Variants in EML6 observed in about 807,000 individuals in gnomAD.
EML6 encodes the protein echinoderm microtubule-associated protein-like 6.
EML6 carries 154 observed loss-of-function variants against 240.1 expected under a neutral mutation model. The observed-to-expected ratio is 0.64, with a 90% CI of 0.56 to 0.73. EML6 has a LOEUF of 0.73. EML6 is among the 30% of genes least tolerant of loss of function. EML6 has a pLI of 0.00. For synonymous variants in EML6, 1,148 were observed against 899.0 expected (o/e 1.28, Z -4.95); for missense variants, 2,964 against 2,474.6 (o/e 1.20, Z -4.20).
chr2:54,958,055 T>G, intron 33 of EML6, 57 bp downstream of exon 33: 1 of 1,441,912 alleles, frequency 6.9e-7, no homozygotes, highest in Non-Finnish European at 9.4e-7. Flanking sequence ...GGCATGGGCA[T>G]GGGCATGGGC....
chr2:54,896,794 A>G (rs1218506770), intron 21 of EML6, among the ~76,000 whole-genome samples: 1 of 152,188 alleles, frequency 6.6e-6, no homozygotes, highest in Middle Eastern at 3.2e-3. Context: ...ACACATGTGC[A>G]TATACACTAT....
chr2:54,787,677 C>G (rs767831363), intron 2 of EML6, among the ~76,000 whole-genome samples: 5 of 152,136 alleles, frequency 3.3e-5, no homozygotes, highest in Non-Finnish European at 7.4e-5. Context: ...GCATTTTGCT[C>G]ATGGGGAACT....
At chr2:54,957,111 T>C (rs1573215344) in intron 32 of EML6, among the ~76,000 whole-genome samples, 1 of 152,134 alleles carries the variant, frequency 6.6e-6, no homozygotes, top group East Asian at 1.9e-4. Flanking sequence ...GGAACAATTA[T>C]TAGCCCCATC....
At chr2:54,910,199 A>G (rs935514623) in intron 24 of EML6, among the ~76,000 whole-genome samples, 1 of 152,174 alleles carries the variant, frequency 6.6e-6, no homozygotes, top group Non-Finnish European at 1.5e-5. Context: ...TCTTCTATAC[A>G]TGTTTGAAAC....
intron 12 of EML6, among the ~76,000 whole-genome samples, chr2:54,861,391 G>C (rs767606354): frequency 6.6e-6 from 1 of 152,188 alleles, no homozygotes; most frequent in African/African-American, 2.4e-5. Flanking sequence ...CACTTCAGGA[G>C]TTATCTCCCC....
At position 54,876,836 on chromosome 2, in the gene EML6, G is replaced by A. The variant is rs571496245; in HGVS notation, c.2345-2711G>A. Among the ~76,000 whole-genome samples the A allele has an allele frequency of 7.9e-5, 12 of 152,164 alleles. No homozygotes were observed. The South Asian group carries it at 2.5e-3, about 32-fold the overall frequency. ...CTCAAACATTTATCATTTCTTTGTG[G>A]TGATAACATTCAAGATCTTCTTTTC... On this transcript the variant is annotated intron_variant, in intron 16 of 41. Coordinates refer to ENST00000356458, the MANE Select transcript of EML6 (RefSeq NM_001039753.4).
At chr2:54,965,612 CTAATTGGT>C (rs1217135720) in intron 38 of EML6, among the ~76,000 whole-genome samples, 1 of 152,034 alleles carries the variant, frequency 6.6e-6, no homozygotes, top group Non-Finnish European at 1.5e-5. Flanking sequence ...ACCAGGAGTG[CTAATTGGT>C]CAGAGATGAA....
In EML6 at chr2:54,903,441, A is replaced by T; in HGVS notation, c.3348A>T (p.Lys1116Asn). 2 of 1,551,918 alleles carry T rather than the reference A, an allele frequency of 1.3e-6. No homozygotes were observed. The highest frequency in any genetic ancestry group is 1.7e-6 in the Non-Finnish European group (2 of 1,146,950). Residue 1116 changes from lysine (K) to asparagine (N), a missense_variant, in exon 24 of 42, where the codon AAA becomes AAT. Coordinates refer to ENST00000356458, the MANE Select transcript of EML6 (RefSeq NM_001039753.4). ...ATATTTACAACGTACTTACAAGCAA[A>T]AGGGTTGGCATCTGTAAAGGTGCTT... The part of the protein sequence containing the change: ...FVDIYNVLTS[K>N]RVGICKGASS...
At chr2:54,825,043 C>G (rs1668522128) in intron 5 of EML6, among the ~76,000 whole-genome samples, 1 of 152,170 alleles carries the variant, frequency 6.6e-6, no homozygotes, top group Admixed American at 6.5e-5. Flanking sequence ...GGGCCTTATA[C>G]CATCTGACCT....
rs1558716868 is a variant in EML6 at position 54,948,866 on chromosome 2, C to CCGCT, written c.4005-14_4005-11dup. 3 of 1,548,032 alleles carry CCGCT rather than the reference C, an allele frequency of 1.9e-6. No individual in the cohort carries two copies. The South Asian group carries it at 3.6e-5, about 18-fold the overall frequency. Reference sequence around the variant, plus strand: ...TTGTTCAATGCTGTGCTTCCTCTGGCCGCTCTCTCTTCCAGACCACCCGTT... The same window carrying CCGCT: ...TTGTTCAATGCTGTGCTTCCTCTGGCCGCTCGCTCTCTCTTCCAGACCACCCGTT... On this transcript the variant is annotated splice_polypyrimidine_tract_variant and intron_variant, in intron 28 of 41. Transcript: ENST00000356458.
Position 54,971,784 on chromosome 2 carries a change from A to C in EML6, c.*1689A>C, listed in dbSNP as rs1470513028. 1 of 152,210 alleles carries C rather than the reference A, an allele frequency of 6.6e-6. No homozygotes were observed. The allele number at this position is 152,210 out of a possible 1,614,324, so 9.4% of individuals were successfully genotyped here. A position where few individuals can be genotyped will look rare whatever the true frequency, so the allele number is the denominator to read the frequency against. On this transcript the variant is annotated 3_prime_UTR_variant, in exon 42 of 42. Transcript: ENST00000356458. ...TTGCATTGAAATAACCATGTGGAAG[A>C]ACAATGAATCGATTAATGATGACAT... is the stretch of plus-strand genomic sequence containing the variant.
chr2:54,859,051 C>G (rs796594181), intron 11 of EML6, among the ~76,000 whole-genome samples: 8 of 152,304 alleles, frequency 5.3e-5, no homozygotes, highest in African/African-American at 1.9e-4. Context: ...TTCTATTGCA[C>G]TCACTACCTG....
At chr2:54,727,450 G>A (rs72913526) in intron 2 of EML6, among the ~76,000 whole-genome samples, 3,463 of 152,310 alleles carry the variant, frequency 0.023, 129 homozygotes, top group African/African-American at 0.071. Flanking sequence ...TGTTTATGCT[G>A]TTCTTTTGCT....
intron 2 of EML6, among the ~76,000 whole-genome samples, chr2:54,790,757 G>A (rs868047670): frequency 2.2e-4 from 29 of 131,444 alleles, no homozygotes; most frequent in African/African-American, 6.7e-4. Context: ...ACGGAGTTAC[G>A]CTCTGTCGCC....
chr2:54,959,157 C>T lies in EML6; in HGVS notation c.4749C>T (p.Asp1583=). 1 of 1,551,606 alleles carries T rather than the reference C, an allele frequency of 6.4e-7. No individual in the cohort carries two copies. Among genetic ancestry groups the T allele is most frequent in the Non-Finnish European group, 8.7e-7 (1 of 1,146,964 alleles). Residue 1583 remains aspartate (D), a synonymous_variant, in exon 34 of 42, where the codon GAC becomes GAT. Transcript: ENST00000356458. ...AINGDVYVWK[D]HFLIRLVAKA... is the part of the protein sequence containing the mutation. ...ATGGAGATGTCTACGTCTGGAAGGA[C>T]CACTTCCTCATCCGGCTGGTGGCCA...
At chr2:54,876,382 T>C (rs1268256610) in intron 16 of EML6, among the ~76,000 whole-genome samples, 1 of 152,206 alleles carries the variant, frequency 6.6e-6, no homozygotes. Flanking sequence ...GGGTTTGCAC[T>C]GCTGCTTCCA....
intron 5 of EML6, among the ~76,000 whole-genome samples, chr2:54,826,399 G>A (rs567465803): frequency 2.0e-5 from 3 of 152,330 alleles, no homozygotes; most frequent in African/African-American, 7.2e-5. Context: ...AGGAGTTTAA[G>A]ACCAGCCTGG....
At chr2:54,740,328 G>T (rs757723526) in intron 2 of EML6, among the ~76,000 whole-genome samples, 1 of 152,104 alleles carries the variant, frequency 6.6e-6, no homozygotes, top group African/African-American at 2.4e-5. Context: ...GGTCACAGGG[G>T]TAGGAGGCAA....
chr2:54,910,590 G>A (rs543054385), intron 24 of EML6, among the ~76,000 whole-genome samples: 9 of 152,228 alleles, frequency 5.9e-5, no homozygotes, highest in Non-Finnish European at 1.3e-4. Context: ...CATAATTCTT[G>A]CCAACACAGT....
Sources: allele counts gnomAD v4.1 joint callset (sites outside exome capture counted in the v4.1 genomes callset), GRCh38; gene constraint gnomAD v4.1.1; transcripts MANE v1.5; gene names NCBI Gene and HGNC (gene_info 2026-07-23, HGNC 2026-07-21).